Variants in SGCZ observed in about 807,000 individuals in gnomAD.
SGCZ encodes zeta-sarcoglycan.
A neutral mutation model predicts 41.3 loss-of-function variants in SGCZ; 40 were observed. That is an observed-to-expected ratio of 0.97 (90% confidence interval 0.75 to 1.26). The LOEUF (loss-of-function observed/expected upper bound fraction) is 1.26, where lower values mean the gene tolerates loss of function less well. SGCZ is among the 50% of genes most tolerant of loss of function. The probability of loss-of-function intolerance (pLI) is 0.00; values close to 1 mark genes in which losing one functional copy is unlikely to be tolerated. For missense variants in SGCZ, 552 were observed against 369.8 expected (o/e 1.49, Z -4.04); for synonymous variants, 206 against 137.5 (o/e 1.50, Z -3.49).
intron 3 of SGCZ, among the ~76,000 whole-genome samples, chr8:14,323,580 A>T (rs1269668787): frequency 6.6e-6 from 1 of 152,140 alleles, no homozygotes; most frequent in Non-Finnish European, 1.5e-5. Flanking sequence ...AAGAGATAAA[A>T]CACAGGTAGC....
chr8:14,848,186 A>G (rs895955805), intron 1 of SGCZ, among the ~76,000 whole-genome samples: 1 of 152,172 alleles, frequency 6.6e-6, no homozygotes, highest in African/African-American at 2.4e-5. Context: ...GAAAACTATA[A>G]AACATTGTTT....
intron 1 of SGCZ, among the ~76,000 whole-genome samples, chr8:15,049,690 G>A (rs1490776881): frequency 1.3e-5 from 2 of 152,016 alleles, no homozygotes; most frequent in Non-Finnish European, 2.9e-5. Flanking sequence ...ATATAGTTTG[G>A]CTGTGTCCCC....
At chr8:14,322,921 A>C (rs1361211294) in intron 3 of SGCZ, among the ~76,000 whole-genome samples, 1 of 152,152 alleles carries the variant, frequency 6.6e-6, no homozygotes, top group Non-Finnish European at 1.5e-5. Flanking sequence ...CAAAAACAAA[A>C]TAAAGCAAAA....
chr8:14,694,716 T>G (rs1163787871), intron 1 of SGCZ, among the ~76,000 whole-genome samples: 1 of 152,200 alleles, frequency 6.6e-6, no homozygotes, highest in African/African-American at 2.4e-5. Context: ...GTCATTTCAA[T>G]ATACAGAATT....
chr8:14,752,435 T>A (rs1447300178), intron 1 of SGCZ, among the ~76,000 whole-genome samples: 1 of 152,190 alleles, frequency 6.6e-6, no homozygotes, highest in Non-Finnish European at 1.5e-5. Flanking sequence ...TTGGGCCAAT[T>A]TGAGTTAAAT....
chr8:14,391,133 G>C (rs1223108419), intron 2 of SGCZ, among the ~76,000 whole-genome samples: 1 of 152,070 alleles, frequency 6.6e-6, no homozygotes, highest in Non-Finnish European at 1.5e-5. Context: ...CTTAATTAAG[G>C]CTCTAGGGGT....
At chr8:14,611,258 C>T (rs1056164926) in intron 1 of SGCZ, among the ~76,000 whole-genome samples, 3 of 152,062 alleles carry the variant, frequency 2.0e-5, no homozygotes, top group African/African-American at 4.8e-5. Context: ...CATTAATATG[C>T]CTATCATTTT....
chr8:14,282,658 A>G (rs1323417206), intron 3 of SGCZ, among the ~76,000 whole-genome samples: 2 of 152,126 alleles, frequency 1.3e-5, no homozygotes, highest in East Asian at 3.9e-4. Context: ...TGAAGCCTGC[A>G]TATTCTGTTC....
In SGCZ at chr8:14,137,259, G is replaced by C. The variant is rs1028262561; in HGVS notation, c.547+27321C>G. Among the ~76,000 whole-genome samples the C allele has an allele frequency of 5.3e-5, 8 of 152,226 alleles. No individual in the cohort carries two copies. The South Asian group carries it at 1.2e-3, about 24-fold the overall frequency. On this transcript the variant is annotated intron_variant, in intron 5 of 7. Transcript: ENST00000382080. ...GAAAAGCTGAAAATTTAAAAAACCA[G>C]AGCACCTCTTCTCCTCCAAAGATCG...
At chr8:14,523,140 A>G (rs1802839816) in intron 2 of SGCZ, among the ~76,000 whole-genome samples, 1 of 151,930 alleles carries the variant, frequency 6.6e-6, no homozygotes. Context: ...TCTCCCGCTT[A>G]CATTTAGAAC....
intron 2 of SGCZ, among the ~76,000 whole-genome samples, chr8:14,518,084 A>T (rs1054151380): frequency 6.6e-6 from 1 of 151,890 alleles, no homozygotes; most frequent in African/African-American, 2.4e-5. Context: ...ATGAAAGTGC[A>T]TAGTCTACAG....
At chr8:14,999,029 G>C (rs564691434) in intron 1 of SGCZ, among the ~76,000 whole-genome samples, 3 of 152,236 alleles carry the variant, frequency 2.0e-5, no homozygotes, top group African/African-American at 7.2e-5. Context: ...CCACACTTAG[G>C]GGTGTTGTGT....
chr8:14,275,899 C>A (rs1391971388), intron 3 of SGCZ, among the ~76,000 whole-genome samples: 3 of 152,198 alleles, frequency 2.0e-5, no homozygotes, highest in Non-Finnish European at 2.9e-5. Context: ...AACATAGTAT[C>A]CTTTGTCTGC....
chr8:14,600,885 A>C (rs1302682392), intron 1 of SGCZ, among the ~76,000 whole-genome samples: 1 of 151,318 alleles, frequency 6.6e-6, no homozygotes, highest in African/African-American at 2.4e-5. Context: ...AATAGACCTC[A>C]AGCCTTCTGA....
chr8:14,168,096 A>G (rs926649000), intron 4 of SGCZ, among the ~76,000 whole-genome samples: 15 of 152,144 alleles, frequency 9.9e-5, no homozygotes, highest in African/African-American at 3.6e-4. Context: ...TCTTTTCTAT[A>G]TAACTCTTCA....
intron 5 of SGCZ, among the ~76,000 whole-genome samples, chr8:14,112,062 G>C (rs1345504389): frequency 2.0e-5 from 3 of 152,068 alleles, no homozygotes; most frequent in Non-Finnish European, 2.9e-5. Flanking sequence ...ACTGGTCCCA[G>C]AAGAAGAGGT....
At chr8:14,892,614 CAT>C (rs1384258155) in intron 1 of SGCZ, among the ~76,000 whole-genome samples, 2 of 151,996 alleles carry the variant, frequency 1.3e-5, no homozygotes, top group East Asian at 1.9e-4. Context: ...AAATTTTACA[CAT>C]GTTGATAGAA....
chr8:14,517,205 A>G (rs1435288304), intron 2 of SGCZ, among the ~76,000 whole-genome samples: 1 of 150,834 alleles, frequency 6.6e-6, no homozygotes, highest in Non-Finnish European at 1.5e-5. Flanking sequence ...AAGACAAACA[A>G]AAAAATGCCA....
chr8:15,034,357 T>A (rs539536736), intron 1 of SGCZ, among the ~76,000 whole-genome samples: 108 of 151,892 alleles, frequency 7.1e-4, no homozygotes, highest in African/African-American at 2.5e-3. Flanking sequence ...GCAGAAGTGA[T>A]CAAGCAGAAA....
Sources: gnomAD v4.1 joint callset for allele counts (sites outside exome capture counted in the v4.1 genomes callset) on GRCh38, gnomAD v4.1.1 for gene constraint, MANE v1.5 for transcripts, NCBI Gene and HGNC (gene_info 2026-07-23, HGNC 2026-07-21) for gene names.